JMY: variants seen among roughly 807,000 people sequenced by gnomAD.
JMY encodes junction mediating and regulatory protein, p53 cofactor, also known as junction-mediating and -regulatory protein.
A neutral mutation model predicts 103.3 loss-of-function variants in JMY; 46 were observed. That is an observed-to-expected ratio of 0.45 (90% CI 0.35 to 0.57). JMY has a LOEUF of 0.57. Among genes scored for constraint, JMY ranks in the 20% least tolerant of loss-of-function variants. JMY has a pLI of 0.00. For missense variants in JMY, 1,238 were observed against 1,255.2 expected (o/e 0.99, Z 0.21); for synonymous variants, 526 against 489.3 (o/e 1.07, Z -0.99).
chr5:79,251,918 G>GC (rs1206981441), intron 1 of JMY, among the ~76,000 whole-genome samples: 1 of 152,104 alleles, frequency 6.6e-6, no homozygotes, highest in Admixed American at 6.6e-5. Flanking sequence ...GGGATTACAG[G>GC]CATGTGCCAC....
intron 6 of JMY, among the ~76,000 whole-genome samples, chr5:79,304,791 A>G (rs1257869753): frequency 6.6e-6 from 1 of 152,218 alleles, no homozygotes; most frequent in Non-Finnish European, 1.5e-5. Flanking sequence ...TAAATTATCA[A>G]AAAACTTTGA....
At chr5:79,284,870 C>G in intron 2 of JMY, 1 of 1,569,880 alleles carries the variant, frequency 6.4e-7, no homozygotes, top group Non-Finnish European at 8.7e-7. Context: ...TTCTTCTTGG[C>G]CCCCTTTTTG....
At chr5:79,297,481 A>T (rs1350074345) in intron 4 of JMY, among the ~76,000 whole-genome samples, 1 of 152,170 alleles carries the variant, frequency 6.6e-6, no homozygotes, top group Non-Finnish European at 1.5e-5. Context: ...GAAATTTCAG[A>T]TGTTAAAACA....
chr5:79,304,880 G>C lies in JMY; in HGVS notation c.1882-1495G>C, dbSNP rs892811508. ...CTCATTTATAAGCAAGGGAACCAAC[G>C]CTTCTGGTAGTGACATAAATCACCT... On this transcript the variant is annotated intron_variant, in intron 6 of 10. Coordinates refer to ENST00000396137, the MANE Select transcript of JMY (RefSeq NM_152405.5). Among the ~76,000 whole-genome samples, 21 of 152,160 alleles carry C rather than the reference G, an allele frequency of 1.4e-4. 1 individual carries two copies. Among genetic ancestry groups the C allele is most frequent in the African/African-American group, 5.1e-4 (21 of 41,436 alleles).
intron 2 of JMY, chr5:79,284,716 T>C (rs1242801548): frequency 1.0e-4 from 167 of 1,592,028 alleles, no homozygotes; most frequent in Non-Finnish European, 1.4e-4. Flanking sequence ...AAGACTCACT[T>C]CAAACACACG....
chr5:79,241,169 T>C (rs1744728714), intron 1 of JMY, among the ~76,000 whole-genome samples: 1 of 152,168 alleles, frequency 6.6e-6, no homozygotes, highest in African/African-American at 2.4e-5. Flanking sequence ...TTGAACTTTT[T>C]TTTGTTTGTT....
chr5:79,280,757 G>C (rs1262529436), intron 2 of JMY, among the ~76,000 whole-genome samples: 1 of 152,000 alleles, frequency 6.6e-6, no homozygotes, highest in African/African-American at 2.4e-5. Context: ...TCATAGATAA[G>C]AAAACTAATA....
At chr5:79,256,876 C>T (rs1176988521) in intron 1 of JMY, among the ~76,000 whole-genome samples, 1 of 151,876 alleles carries the variant, frequency 6.6e-6, no homozygotes, top group Non-Finnish European at 1.5e-5. Flanking sequence ...CCCACCTCAG[C>T]CTCCCTAGTA....
At chr5:79,312,369 C>A in intron 7 of JMY, 34 bp from the exon 8 acceptor site, 1 of 1,270,156 alleles carries the variant, frequency 7.9e-7, no homozygotes, top group Non-Finnish European at 1.1e-6. Context: ...AATTGGGACA[C>A]AGCATAATGG....
In JMY at chr5:79,323,582, A is replaced by G. The variant is rs932258356; in HGVS notation, c.*1980A>G. The G allele has an allele frequency of 1.3e-5, 2 of 152,164 alleles. No homozygotes were observed. The highest frequency in any genetic ancestry group is 4.8e-5 in the African/African-American group (2 of 41,442). 9.4% of individuals were successfully genotyped at this position (152,164 alleles called of 1,614,324 possible). The stretch of plus-strand genomic sequence containing the variant: ...TATGCTATCCAGTTTTTACGTACCC[A>G]TGTGTCAACATTTCATATATCCAGT... On this transcript the variant is annotated 3_prime_UTR_variant, in exon 11 of 11. Transcript: ENST00000396137.
At chr5:79,292,474 A>C (rs532060014) in intron 4 of JMY, among the ~76,000 whole-genome samples, 1 of 151,844 alleles carries the variant, frequency 6.6e-6, no homozygotes, top group South Asian at 2.1e-4. Context: ...AACACCTTGC[A>C]AATTTTTATT....
chr5:79,236,684 G>C lies in JMY; in HGVS notation c.34G>C (p.Asp12His). ...SFALEETLES[D>H]WVAVRPHVFD... ...CGCGCTGGAGGAGACGCTCGAGTCG[G>C]ACTGGGTGGCTGTGCGGCCCCATGT... The change falls in exon 1 of 11, where the codon GAC becomes CAC. Residue 12 changes from aspartate to histidine, a missense_variant. Physicochemically the swap from Asp to His is moderately conservative, Grantham distance 81. Coordinates refer to ENST00000396137, the MANE Select transcript of JMY (RefSeq NM_152405.5). 6.7e-7 allele frequency: 1 copy of C among 1,486,084 alleles called. No homozygotes were observed. Among genetic ancestry groups the C allele is most frequent in the East Asian group, 2.9e-5 (1 of 34,372 alleles). The allele number at this position is 1,486,084 out of a possible 1,614,324, so 92.1% of individuals were successfully genotyped here. A position where few individuals can be genotyped will look rare whatever the true frequency, so the allele number is the denominator to read the frequency against.
rs1369062697 is a variant in JMY at position 79,277,954 on chromosome 5, G to A, written c.1077G>A (p.Leu359=). 1 of 1,613,890 alleles carries A rather than the reference G, an allele frequency of 6.2e-7. No individual in the cohort carries two copies. The highest frequency in any genetic ancestry group is 8.5e-7 in the Non-Finnish European group (1 of 1,179,954). The part of the protein sequence containing the change: ...HKNTESMVEL[L]DLYQMEDEAY... ...ATACAGAGAGCATGGTGGAGCTTCT[G>A]GACTTGTATCAGATGGAGGATGAAG... Residue 359 remains leucine (L), a synonymous_variant, in exon 2 of 11, where the codon CTG becomes CTA. Transcript: ENST00000396137.
At chr5:79,255,251 C>A (rs1745206694) in intron 1 of JMY, among the ~76,000 whole-genome samples, 1 of 151,716 alleles carries the variant, frequency 6.6e-6, no homozygotes, top group Non-Finnish European at 1.5e-5. Flanking sequence ...CACCCACCAC[C>A]ACGCCTGGCT....
intron 1 of JMY, among the ~76,000 whole-genome samples, chr5:79,276,321 G>A (rs1745934644): frequency 6.6e-6 from 1 of 152,042 alleles, no homozygotes; most frequent in African/African-American, 2.4e-5. Flanking sequence ...GTTTCACCAT[G>A]TTGGCCAAGA....
intron 7 of JMY, among the ~76,000 whole-genome samples, chr5:79,307,400 T>C (rs1407010739): frequency 6.6e-6 from 1 of 152,188 alleles, no homozygotes; most frequent in Non-Finnish European, 1.5e-5. Flanking sequence ...CCACATCCTC[T>C]ATAGCATTTT....
intron 2 of JMY, chr5:79,285,010 G>A: frequency 2.5e-6 from 2 of 798,234 alleles, no homozygotes; most frequent in Non-Finnish European, 4.0e-6. Flanking sequence ...TAAATCCAGT[G>A]TCTTTAATGA....
At chr5:79,256,813 A>G (rs1404684637) in intron 1 of JMY, among the ~76,000 whole-genome samples, 4 of 135,888 alleles carry the variant, frequency 2.9e-5, no homozygotes, top group Non-Finnish European at 6.0e-5. Flanking sequence ...TCCATCGCCT[A>G]GGGTTGCGAT....
Position 79,237,340 on chromosome 5 carries a change from C to T in JMY, c.690C>T (p.Ala230=), listed in dbSNP as rs754376950. 1.2e-6 allele frequency: 2 copies of T among 1,603,924 alleles called. No homozygotes were observed. Among genetic ancestry groups the T allele is most frequent in the South Asian group, 2.2e-5 (2 of 89,896 alleles). ...CTCCGGCCGAAGAGTGCAGCTGGGCCGGACTGTTTTCTTTCCAGGACCTGC... is the reference window on the plus strand; with the variant it reads ...CTCCGGCCGAAGAGTGCAGCTGGGCTGGACTGTTTTCTTTCCAGGACCTGC... ...LESPAEECSW[A]GLFSFQDLRA... The change falls in exon 1 of 11, where the codon GCC becomes GCT. Residue 230 remains alanine (A), a synonymous_variant. Transcript: ENST00000396137.
Sources: gnomAD v4.1 joint callset for allele counts (sites outside exome capture counted in the v4.1 genomes callset) on GRCh38, gnomAD v4.1.1 for gene constraint, MANE v1.5 for transcripts, NCBI Gene and HGNC (gene_info 2026-07-23, HGNC 2026-07-21) for gene names.